The following ATP10B variants were observed in gnomAD, a reference collection of about 807,000 sequenced individuals.
ATP10B encodes ATPase phospholipid transporting 10B (putative).
ATP10B carries 122 observed loss-of-function variants against 141.2 expected under a neutral mutation model. The observed-to-expected ratio is 0.86, with a 90% CI of 0.75 to 1.00. ATP10B has a LOEUF of 1.00. Among genes scored for constraint, ATP10B ranks in the 50% least tolerant of loss-of-function variants. ATP10B has a pLI of 0.00. For synonymous variants in ATP10B, 685 were observed against 692.0 expected (o/e 0.99, Z 0.16); for missense variants, 1,876 against 1,825.3 (o/e 1.03, Z -0.51).
the ATP10B span, among the ~76,000 whole-genome samples, chr5:160,917,036 G>A: frequency 6.6e-6 from 1 of 152,136 alleles, no homozygotes; most frequent in Non-Finnish European, 1.5e-5. Flanking sequence ...AGGGGTGAGT[G>A]TGGGGAATTA....
intron 7 of ATP10B, among the ~76,000 whole-genome samples, chr5:160,661,143 G>T (rs535811427): frequency 6.6e-6 from 1 of 151,880 alleles, no homozygotes; most frequent in Non-Finnish European, 1.5e-5. Context: ...CTGAGATCGC[G>T]CCATTGCACT....
intron 1 of ATP10B, among the ~76,000 whole-genome samples, chr5:160,795,672 T>C (rs567785896): frequency 2.0e-5 from 3 of 151,688 alleles, no homozygotes; most frequent in South Asian, 4.2e-4. Flanking sequence ...GGGTCCTAAA[T>C]CCAATGACAA....
chr5:160,917,796 C>A, the ATP10B span, among the ~76,000 whole-genome samples: 1 of 152,216 alleles, frequency 6.6e-6, no homozygotes, highest in Non-Finnish European at 1.5e-5. Context: ...CCTACCCTCC[C>A]TTCCAGGTTT....
the ATP10B span, among the ~76,000 whole-genome samples, chr5:160,861,721 G>A: frequency 1.3e-5 from 2 of 151,768 alleles, no homozygotes; most frequent in South Asian, 4.2e-4. Flanking sequence ...TATTTGTATA[G>A]GATAGTGGTT....
intron 11 of ATP10B, among the ~76,000 whole-genome samples, chr5:160,635,858 T>G (rs1759327773): frequency 6.6e-6 from 1 of 152,210 alleles, no homozygotes; most frequent in African/African-American, 2.4e-5. Context: ...CTTCTTTTGT[T>G]CCTAGATCAT....
chr5:160,828,125 A>G (rs1774773443), intron 1 of ATP10B, among the ~76,000 whole-genome samples: 1 of 152,184 alleles, frequency 6.6e-6, no homozygotes, highest in South Asian at 2.1e-4. Flanking sequence ...AAACCTAGGC[A>G]TTACCATTCA....
chr5:160,563,381 A>T lies in ATP10B; in HGVS notation c.*2072T>A, dbSNP rs1048548102. 1.3e-5 allele frequency: 2 copies of T among 152,312 alleles called. No individual in the cohort carries two copies. Among genetic ancestry groups the T allele is most frequent in the East Asian group, 1.9e-4 (1 of 5,178 alleles). 9.4% of individuals were successfully genotyped at this position (152,312 alleles called of 1,614,324 possible). A position where few individuals can be genotyped will look rare whatever the true frequency, so the allele number is the denominator to read the frequency against. On this transcript the variant is annotated 3_prime_UTR_variant, in exon 26 of 26. Transcript: ENST00000327245. ...ATTTGGGACTCTGTAAAAATGAGAA[A>T]GTCCCAGGCAAACTGGGACGGTTGG...
intron 1 of ATP10B, among the ~76,000 whole-genome samples, chr5:160,811,211 CTG>C (rs1192429113): frequency 9.2e-5 from 14 of 152,172 alleles, no homozygotes; most frequent in African/African-American, 3.4e-4. Flanking sequence ...GGGTGACACT[CTG>C]AAACTTGTTG....
chr5:160,800,756 T>C (rs1302312455), intron 1 of ATP10B, among the ~76,000 whole-genome samples: 2 of 152,240 alleles, frequency 1.3e-5, no homozygotes, highest in Non-Finnish European at 2.9e-5. Context: ...TCTCAGTGTT[T>C]GCTGAGTCTG....
chr5:160,645,098 C>T (rs974482500), intron 8 of ATP10B, among the ~76,000 whole-genome samples: 14 of 136,684 alleles, frequency 1.0e-4, no homozygotes, highest in Admixed American at 2.3e-4. Context: ...GCCTGGGCTA[C>T]GGGGCAAGAC....
At chr5:160,856,199 A>G (rs1000150971), upstream of ATP10B, among the ~76,000 whole-genome samples, 1 of 151,888 alleles carries the variant, frequency 6.6e-6, no homozygotes, top group African/African-American at 2.4e-5. Context: ...AGTCCAATCA[A>G]TGGACATAGT....
the ATP10B span, among the ~76,000 whole-genome samples, chr5:160,890,698 A>G: frequency 6.6e-6 from 1 of 151,688 alleles, no homozygotes; most frequent in Non-Finnish European, 1.5e-5. Flanking sequence ...TGGCCATTTG[A>G]GTTGTTTTCA....
chr5:160,818,006 G>A (rs934060482), intron 1 of ATP10B, among the ~76,000 whole-genome samples: 142 of 152,222 alleles, frequency 9.3e-4, no homozygotes, highest in Middle Eastern at 3.4e-3. Context: ...ATTCAAGATG[G>A]ATTAAAGACT....
chr5:160,603,846 G>A, intron 20 of ATP10B, 119 bp downstream of exon 20: 1 of 757,808 alleles, frequency 1.3e-6, no homozygotes, highest in Non-Finnish European at 2.3e-6. Context: ...CTTATGGAGG[G>A]CATTGCAACT....
At chr5:160,870,004 G>T in the ATP10B span, among the ~76,000 whole-genome samples, 1 of 152,094 alleles carries the variant, frequency 6.6e-6, no homozygotes, top group Non-Finnish European at 1.5e-5. Context: ...AACAAGGCCT[G>T]CCCTCAGAGG....
intron 1 of ATP10B, among the ~76,000 whole-genome samples, chr5:160,850,146 C>T (rs1324887277): frequency 2.0e-5 from 3 of 151,998 alleles, no homozygotes; most frequent in African/African-American, 2.4e-5. Context: ...GCGGTGCTTA[C>T]GCTTGTAATC....
At chr5:160,633,310 C>T (rs939934160) in intron 12 of ATP10B, 2 of 152,224 alleles carry the variant, frequency 1.3e-5, no homozygotes, top group African/African-American at 4.8e-5. Flanking sequence ...GGAACCAACC[C>T]CAGTGCCCAT....
intron 19 of ATP10B, among the ~76,000 whole-genome samples, chr5:160,604,931 G>A (rs1478841665): frequency 2.0e-5 from 3 of 152,234 alleles, no homozygotes; most frequent in Admixed American, 1.3e-4. Context: ...TCTCCCCAGT[G>A]CTTTTTCTGT....
chr5:160,769,257 C>T (rs944749375), intron 2 of ATP10B, among the ~76,000 whole-genome samples: 2 of 152,164 alleles, frequency 1.3e-5, no homozygotes, highest in East Asian at 3.8e-4. Flanking sequence ...CTTTCAAAGA[C>T]AGCTTTGTTG....
Sources: gnomAD v4.1 joint callset for allele counts (sites outside exome capture counted in the v4.1 genomes callset) on GRCh38, gnomAD v4.1.1 for gene constraint, MANE v1.5 for transcripts, NCBI Gene and HGNC (gene_info 2026-07-23, HGNC 2026-07-21) for gene names.